Variants in SLC7A2 observed in about 807,000 individuals in gnomAD.
The protein encoded by SLC7A2 is cationic amino acid transporter 2.
A neutral mutation model predicts 58.9 loss-of-function variants in SLC7A2; 48 were observed. The ratio of observed to expected loss-of-function variants is 0.82; its 90% CI spans 0.65 to 1.04. The LOEUF is 1.04. SLC7A2 is among the 50% of genes least tolerant of loss of function. The pLI is 0.00. For missense variants in SLC7A2, 1,029 were observed against 818.8 expected (o/e 1.26, Z -3.13); for synonymous variants, 363 against 314.5 (o/e 1.15, Z -1.63).
chr8:17,533,302 A>G (rs1054685725), intron 2 of SLC7A2, among the ~76,000 whole-genome samples: 11 of 152,336 alleles, frequency 7.2e-5, no homozygotes, highest in African/African-American at 7.2e-5. Flanking sequence ...TGTTTTTCAG[A>G]ATTCAAAATA....
chr8:17,563,957 GA>G (rs1803146875), intron 12 of SLC7A2, among the ~76,000 whole-genome samples: 2 of 152,066 alleles, frequency 1.3e-5, no homozygotes, highest in Admixed American at 1.3e-4. Context: ...ATGAAACCCA[GA>G]AAAAGTCATT....
chr8:17,498,047 C>G (rs1322839592), intron 1 of SLC7A2, among the ~76,000 whole-genome samples: 2 of 152,072 alleles, frequency 1.3e-5, no homozygotes, highest in Non-Finnish European at 2.9e-5. Flanking sequence ...CAGCAAAAGC[C>G]ACAATCATAT....
At chr8:17,499,350 TCTCTCTCCCC>T (rs1800066967) in intron 1 of SLC7A2, 1 of 148,792 alleles carries the variant, frequency 6.7e-6, no homozygotes, top group Non-Finnish European at 1.5e-5. Flanking sequence ...TGTCTCTCTC[TCTCTCTCCCC>T]CTCTCTCCCT....
At chr8:17,548,148 C>G (rs548301864) in intron 4 of SLC7A2, among the ~76,000 whole-genome samples, 4 of 152,082 alleles carry the variant, frequency 2.6e-5, no homozygotes, top group Non-Finnish European at 5.9e-5. Context: ...CTAGACTAGC[C>G]TGGCCAGCAT....
intron 2 of SLC7A2, among the ~76,000 whole-genome samples, chr8:17,503,923 G>T (rs1444664843): frequency 6.6e-6 from 1 of 152,144 alleles, no homozygotes; most frequent in Non-Finnish European, 1.5e-5. Flanking sequence ...AAGGAGCCTG[G>T]GGTGAGTTTT....
upstream of SLC7A2, among the ~76,000 whole-genome samples, chr8:17,494,450 C>T (rs1298920045): frequency 6.6e-6 from 1 of 152,036 alleles, no homozygotes; most frequent in East Asian, 1.9e-4. Context: ...AACTTGACGG[C>T]TGAAAGTGAA....
In SLC7A2 at chr8:17,544,765, G is replaced by T. The variant is rs77944239; in HGVS notation, c.532+159G>T. On this transcript the variant is annotated intron_variant, in intron 4 of 12. Coordinates refer to ENST00000494857, the MANE Select transcript of SLC7A2 (RefSeq NM_001370338.1). ...CATCTGTGGGGTTTATCACTGGCTG[G>T]AATCACATTTTAACCTAAGTCTAAA... 1.7e-3 allele frequency among the ~76,000 whole-genome samples: 257 copies of T among 152,202 alleles called. 1 individual carries two copies. Among genetic ancestry groups the T allele is most frequent in the African/African-American group, 6.0e-3 (251 of 41,528 alleles).
chr8:17,550,323 A>G lies in SLC7A2; in HGVS notation c.721A>G (p.Thr241Ala), dbSNP rs753209836. 3 of 1,614,042 alleles carry G rather than the reference A, an allele frequency of 1.9e-6. No homozygotes were observed. The highest frequency in any genetic ancestry group is 1.1e-5 in the South Asian group (1 of 91,044). Residue 241 changes from threonine (T) to alanine (A), a missense_variant, in exon 6 of 13, where the codon ACA becomes GCA. Transcript: ENST00000494857. The part of the protein sequence containing the change: ...SAREPPSENG[T>A]SIYGAGGFMP... The stretch of plus-strand genomic sequence containing the variant: ...TAGAGAGCCACCTTCTGAAAACGGA[A>G]CAAGTATCTATGGGGCTGGTGGCTT...
At chr8:17,552,321 T>G (rs1282738481) in intron 7 of SLC7A2, among the ~76,000 whole-genome samples, 1 of 152,220 alleles carries the variant, frequency 6.6e-6, no homozygotes, top group East Asian at 1.9e-4. Context: ...TCAGGATTCT[T>G]GTCCTAAAAT....
chr8:17,553,043 C>G (rs1201506395), intron 7 of SLC7A2, among the ~76,000 whole-genome samples: 2 of 152,132 alleles, frequency 1.3e-5, no homozygotes, highest in Admixed American at 6.5e-5. Context: ...TCTCAGCCAT[C>G]TGCTAGTGTT....
chr8:17,536,229 T>A (rs542424551), intron 2 of SLC7A2, among the ~76,000 whole-genome samples: 7 of 152,188 alleles, frequency 4.6e-5, no homozygotes, highest in East Asian at 3.9e-4. Flanking sequence ...GGAGAAATGA[T>A]GTTACCGATA....
intron 2 of SLC7A2, among the ~76,000 whole-genome samples, chr8:17,518,473 G>A (rs561799890): frequency 6.6e-6 from 1 of 152,234 alleles, no homozygotes; most frequent in East Asian, 1.9e-4. Context: ...CACTTTCTGG[G>A]ATGTGGCAGT....
Position 17,538,630 on chromosome 8 carries a change from C to T in SLC7A2, c.-22-4688C>T, listed in dbSNP as rs550692209. ...CCTCTTTACTAAATTATTTAACCCACGTTATAATTTGAAAATTTATCTTGG... is the reference window on the plus strand; with the variant it reads ...CCTCTTTACTAAATTATTTAACCCATGTTATAATTTGAAAATTTATCTTGG... On this transcript the variant is annotated intron_variant, in intron 2 of 12. Coordinates refer to ENST00000494857, the MANE Select transcript of SLC7A2 (RefSeq NM_001370338.1). 5.1e-5 allele frequency: 28 copies of T among 552,466 alleles called. 1 individual carries two copies. Among genetic ancestry groups the T allele is most frequent in the Middle Eastern group, 4.8e-4 (1 of 2,088 alleles). 34.2% of individuals were successfully genotyped at this position (552,466 alleles called of 1,614,324 possible).
At position 17,567,660 on chromosome 8, in the gene SLC7A2, C is replaced by T. The variant is rs1204753761; in HGVS notation, c.*2514C>T. Reference sequence around the variant, plus strand: ...ACTATGTCATTAGGTGGGTACAAAACCCAACTGATGTGGAGAAAAATTGAT... The same window carrying T: ...ACTATGTCATTAGGTGGGTACAAAATCCAACTGATGTGGAGAAAAATTGAT... On this transcript the variant is annotated 3_prime_UTR_variant, in exon 13 of 13. Transcript: ENST00000494857. 2 of 152,482 alleles carry T rather than the reference C, an allele frequency of 1.3e-5. No homozygotes were observed. Among genetic ancestry groups the T allele is most frequent in the Admixed American group, 1.3e-4 (2 of 15,262 alleles). 9.4% of individuals were successfully genotyped at this position (152,482 alleles called of 1,614,324 possible).
intron 2 of SLC7A2, among the ~76,000 whole-genome samples, chr8:17,528,626 G>C (rs903897247): frequency 8.6e-5 from 13 of 151,992 alleles, no homozygotes; most frequent in African/African-American, 3.1e-4. Context: ...AAAGGCTTAG[G>C]GTTCTGAGGA....
intron 2 of SLC7A2, among the ~76,000 whole-genome samples, chr8:17,532,229 CAAAAAAAAAAAAAAAAA>C (rs534441508): frequency 4.3e-5 from 2 of 46,202 alleles, no homozygotes; most frequent in African/African-American, 2.0e-4. Flanking sequence ...GACTCTATCT[CAAAAAAAAAAAAAAAAA>C]AAAAAAAAAA....
chr8:17,522,707 A>G (rs1431678815), intron 2 of SLC7A2, among the ~76,000 whole-genome samples: 3 of 149,684 alleles, frequency 2.0e-5, no homozygotes, highest in Non-Finnish European at 4.5e-5. Flanking sequence ...AGTGAGGGAA[A>G]GCTTCCTTTG....
intron 9 of SLC7A2, among the ~76,000 whole-genome samples, chr8:17,559,966 T>G (rs1484882239): frequency 6.6e-6 from 1 of 152,194 alleles, no homozygotes; most frequent in Non-Finnish European, 1.5e-5. Flanking sequence ...ATTTTATAGC[T>G]GAAATTTACC....
At chr8:17,525,468 G>C (rs1237354063) in intron 2 of SLC7A2, among the ~76,000 whole-genome samples, 1 of 152,092 alleles carries the variant, frequency 6.6e-6, no homozygotes, top group Non-Finnish European at 1.5e-5. Context: ...TTCTCAACAA[G>C]TTATCTTTGC....
Sources: gnomAD v4.1 joint callset for allele counts (sites outside exome capture counted in the v4.1 genomes callset) on GRCh38, gnomAD v4.1.1 for gene constraint, MANE v1.5 for transcripts, NCBI Gene and HGNC (gene_info 2026-07-23, HGNC 2026-07-21) for gene names.